STK10: variants seen among roughly 807,000 people sequenced by gnomAD.
STK10 encodes the protein serine/threonine kinase 10.
A neutral mutation model predicts 113.8 loss-of-function variants in STK10; 78 were observed. That is an observed-to-expected ratio of 0.69 (90% CI 0.57 to 0.83). STK10 has a LOEUF of 0.83. Among genes scored for constraint, STK10 ranks in the 40% least tolerant of loss-of-function variants. STK10 has a pLI of 0.00. For synonymous variants in STK10, 465 were observed against 494.7 expected (o/e 0.94, Z 0.80); for missense variants, 1,109 against 1,280.1 (o/e 0.87, Z 2.04).
chr5:172,062,973 G>C (rs1431001773), intron 13 of STK10, among the ~76,000 whole-genome samples: 1 of 152,220 alleles, frequency 6.6e-6, no homozygotes, highest in Non-Finnish European at 1.5e-5. Flanking sequence ...CTTCTGGCCA[G>C]GTGCAGTGGC....
In STK10 at chr5:172,156,784, T is replaced by C. The variant is rs775217592; in HGVS notation, c.161A>G (p.Lys54Arg). The C allele has an allele frequency of 9.9e-6, 16 of 1,613,296 alleles. No homozygotes were observed. The African/African-American group carries it at 1.6e-4, about 16-fold the overall frequency. Reference protein sequence around the residue: ...DGAFGKVYKAKNKETGALAAA... With the variant: ...DGAFGKVYKARNKETGALAAA... ...AGCCAAAGCACCCGTCTCCTTATTC[T>C]TGGCCTGCAAAGAGGAGATACAGGA... The change falls in exon 2 of 19, where the codon AAG becomes AGG. Residue 54 changes from lysine to arginine, a missense_variant. Around this residue, in one of 5 missense-constraint regions of STK10, gnomAD observed 120 missense variants for 134.8 expected, o/e 0.89. Coordinates refer to ENST00000176763, the MANE Select transcript of STK10 (RefSeq NM_005990.4).
intron 18 of STK10, among the ~76,000 whole-genome samples, chr5:172,047,182 C>T (rs1234376383): frequency 6.6e-6 from 1 of 152,158 alleles, no homozygotes; most frequent in Non-Finnish European, 1.5e-5. Context: ...GTCATTGTTC[C>T]AGCAGAAACC....
intron 12 of STK10, among the ~76,000 whole-genome samples, chr5:172,076,066 G>A (rs530624777): frequency 6.6e-6 from 1 of 152,122 alleles, no homozygotes; most frequent in South Asian, 2.1e-4. Context: ...ATGTTCTTTG[G>A]CCTAATGGTC....
intron 1 of STK10, among the ~76,000 whole-genome samples, chr5:172,170,119 ATCC>A (rs1310205866): frequency 7.1e-6 from 1 of 139,868 alleles, no homozygotes; most frequent in Admixed American, 7.1e-5. Context: ...CTCAGTATGT[ATCC>A]TTTTTTTTTT....
intron 4 of STK10, among the ~76,000 whole-genome samples, chr5:172,115,965 T>C (rs1769374128): frequency 1.3e-5 from 2 of 152,114 alleles, no homozygotes; most frequent in Admixed American, 6.6e-5. Context: ...GGGCGGGGCA[T>C]GGGGGTTGGG....
intron 2 of STK10, among the ~76,000 whole-genome samples, chr5:172,155,488 A>T (rs1392762589): frequency 4.9e-5 from 7 of 143,756 alleles, no homozygotes; most frequent in Non-Finnish European, 9.1e-5. Flanking sequence ...ACAGAGTGAG[A>T]CTCCATCTCA....
Position 172,187,821 on chromosome 5 carries a change from G to A in STK10, c.156+66C>T, listed in dbSNP as rs1770982913. ...GCCGGAGCCAGGCTGGCCGGGTCCG[G>A]CTCAGGCATCCCTTCCTTCCGGAGC... On this transcript the variant is annotated intron_variant, in intron 1 of 18. Transcript: ENST00000176763. The surrounding 1 kb of genome is among the most constrained non-coding windows in gnomAD (Gnocchi z 4.6). 4 of 1,576,696 alleles carry A rather than the reference G, an allele frequency of 2.5e-6. No individual in the cohort carries two copies. The highest frequency in any genetic ancestry group is 2.3e-5 in the East Asian group (1 of 42,672).
intron 1 of STK10, among the ~76,000 whole-genome samples, chr5:172,183,254 C>T (rs115023286): frequency 0.068 from 10,319 of 152,092 alleles, 406 homozygotes; most frequent in Middle Eastern, 0.11. Context: ...CCTGCTAACC[C>T]AACTCCTTTC....
chr5:172,127,558 G>A, intron 2 of STK10, 137 bp from the exon 3 acceptor site: 2 of 803,030 alleles, frequency 2.5e-6, no homozygotes, highest in South Asian at 1.7e-5. Context: ...TCCTCCTCCT[G>A]CCTTGGGAGC....
intron 2 of STK10, among the ~76,000 whole-genome samples, chr5:172,146,468 G>GC (rs1301383058): frequency 5.9e-5 from 9 of 152,108 alleles, no homozygotes; most frequent in African/African-American, 9.7e-5. Context: ...ACGGAACACA[G>GC]CCCCACAGCC....
intron 3 of STK10, among the ~76,000 whole-genome samples, chr5:172,121,274 AC>A (rs1160079185): frequency 6.6e-6 from 1 of 150,724 alleles, no homozygotes; most frequent in Non-Finnish European, 1.5e-5. Context: ...CAGGTGATCC[AC>A]CCGCCTCGGC....
intron 2 of STK10, among the ~76,000 whole-genome samples, chr5:172,138,722 T>C (rs913225806): frequency 7.9e-5 from 12 of 151,680 alleles, no homozygotes; most frequent in African/African-American, 2.9e-4. Context: ...CAAAAAAAAA[T>C]TAAAGATTGG....
chr5:172,121,464 T>C (rs950351920), intron 3 of STK10, among the ~76,000 whole-genome samples: 1 of 152,182 alleles, frequency 6.6e-6, no homozygotes, highest in East Asian at 1.9e-4. Context: ...CTCAGCCTCC[T>C]GAGTAGCTGG....
At position 172,082,845 on chromosome 5, in the gene STK10, T is replaced by G. The variant is rs189742905; in HGVS notation, c.1809+116A>C. On this transcript the variant is annotated intron_variant, in intron 11 of 18. Transcript: ENST00000176763. This position sits in a 1 kb window ranked among gnomAD's most constrained non-coding sequence, Gnocchi z 4.3. ...ACAAGATCGGGAAGCCCCCAGGAAT[T>G]GGGCAATTGTTGTGAATTACTCTCC... 344 of 1,477,676 alleles carry G rather than the reference T, an allele frequency of 2.3e-4. 2 individuals carry two copies. In the East Asian group the frequency reaches 7.4e-3, roughly 32 times the overall value. The allele number at this position is 1,477,676 out of a possible 1,614,324, so 91.5% of individuals were successfully genotyped here.
In STK10 at chr5:172,093,169, C is replaced by A. The variant is rs1331704110; in HGVS notation, c.1554+243G>T. 6.6e-6 allele frequency among the ~76,000 whole-genome samples: 1 copy of A among 152,174 alleles called. No homozygotes were observed. Among genetic ancestry groups the A allele is most frequent in the Admixed American group, 6.5e-5 (1 of 15,274 alleles). The stretch of plus-strand genomic sequence containing the variant: ...AGCTAAGGCCTAAGAGTTCTCTCTC[C>A]CAAATTTTACCAGGGCCTTTTACCA... On this transcript the variant is annotated intron_variant, in intron 9 of 18. Coordinates refer to ENST00000176763, the MANE Select transcript of STK10 (RefSeq NM_005990.4). The surrounding 1 kb of genome is among the most constrained non-coding windows in gnomAD (Gnocchi z 4.1).
At chr5:172,055,807 C>T (rs774100222) in intron 15 of STK10, 31 bp from the exon 16 acceptor site, 1 of 1,420,690 alleles carries the variant, frequency 7.0e-7, no homozygotes, top group Non-Finnish European at 9.3e-7. Flanking sequence ...GGGCTGAGGG[C>T]AGCTGCACTC....
At chr5:172,157,226 A>T (rs998863771) in intron 1 of STK10, among the ~76,000 whole-genome samples, 1 of 152,206 alleles carries the variant, frequency 6.6e-6, no homozygotes, top group African/African-American at 2.4e-5. Flanking sequence ...GGGGCCAGAA[A>T]TAGGGAGGCA....
At chr5:172,164,492 G>A (rs1770529287) in intron 1 of STK10, among the ~76,000 whole-genome samples, 1 of 152,198 alleles carries the variant, frequency 6.6e-6, no homozygotes, top group African/African-American at 2.4e-5. Flanking sequence ...GATGCTTAGA[G>A]AGATGAAGTC....
chr5:172,137,844 A>T (rs1336900922), intron 2 of STK10, among the ~76,000 whole-genome samples: 5 of 147,790 alleles, frequency 3.4e-5, no homozygotes, highest in Non-Finnish European at 6.0e-5. Context: ...GTGAGCCGAG[A>T]TCACACCACA....
Sources: allele counts gnomAD v4.1 joint callset (sites outside exome capture counted in the v4.1 genomes callset), GRCh38; gene constraint gnomAD v4.1.1; regional missense constraint gnomAD v4.1.1; non-coding constraint Gnocchi (gnomAD v3.1); transcripts MANE v1.5; gene names NCBI Gene and HGNC (gene_info 2026-07-23, HGNC 2026-07-21).